NBEAL1: variants seen among roughly 807,000 people sequenced by gnomAD.
NBEAL1 encodes neurobeachin-like protein 1.
In NBEAL1, 273 loss-of-function variants were observed where a neutral mutation model predicts 351.3. That is an observed-to-expected ratio of 0.78 (90% CI 0.70 to 0.86). NBEAL1 has a LOEUF of 0.86. Among genes scored for constraint, NBEAL1 ranks in the 40% least tolerant of loss-of-function variants. NBEAL1 has a pLI of 0.00. For missense variants in NBEAL1, 2,961 were observed against 3,201.3 expected, an observed-to-expected ratio of 0.92 and a Z score of 1.81; for synonymous variants, 1,050 against 1,086.4, an observed-to-expected ratio of 0.97 and a Z score of 0.66.
intron 10 of NBEAL1, among the ~76,000 whole-genome samples, chr2:203,093,674 C>T (rs1408954132): frequency 5.3e-5 from 8 of 151,818 alleles, no homozygotes; most frequent in African/African-American, 1.7e-4. Flanking sequence ...GCCAACGTGG[C>T]GAAACCCCGT....
rs1195534992 is a variant in NBEAL1, at chr2:203,203,237, G to C, written c.7506+456G>C. The stretch of plus-strand genomic sequence containing the variant: ...GCTCACTGCAACCTCCGCCTCCCGG[G>C]TTCAAGCGATTCTCCTGCCTCAGCC... On this transcript the variant is annotated intron_variant, in intron 51 of 55. Transcript: ENST00000683969. Among the ~76,000 whole-genome samples the C allele has an allele frequency of 2.0e-5, 3 of 151,380 alleles. No homozygotes were observed. The South Asian group carries it at 6.2e-4, about 31-fold the overall frequency.
chr2:203,016,936 G>A (rs1039099649), intron 2 of NBEAL1, among the ~76,000 whole-genome samples: 1 of 152,150 alleles, frequency 6.6e-6, no homozygotes, highest in African/African-American at 2.4e-5. Flanking sequence ...ATACTGTGAG[G>A]TGAATATTGT....
chr2:203,128,045 T>G (rs1221456512), intron 24 of NBEAL1, 108 bp downstream of exon 24: 2 of 824,314 alleles, frequency 2.4e-6, no homozygotes, highest in Non-Finnish European at 3.9e-6. Context: ...GTAAAATATG[T>G]GTAGTGTCAC....
At chr2:203,071,793 A>C (rs2061687547) in intron 7 of NBEAL1, among the ~76,000 whole-genome samples, 3 of 152,248 alleles carry the variant, frequency 2.0e-5, no homozygotes, top group Non-Finnish European at 2.9e-5. Context: ...ACACATTCCC[A>C]TTCCAAAAGG....
chr2:203,138,005 A>AAG (rs757142617), intron 29 of NBEAL1, among the ~76,000 whole-genome samples, 157 bp from the exon 30 acceptor site: 3 of 151,228 alleles, frequency 2.0e-5, no homozygotes, highest in Non-Finnish European at 4.4e-5. Context: ...AAAAAAAAAA[A>AAG]TTCAATTTCC....
At chr2:203,155,632 G>A (rs1293525480) in intron 35 of NBEAL1, among the ~76,000 whole-genome samples, 3 of 151,824 alleles carry the variant, frequency 2.0e-5, no homozygotes, top group Non-Finnish European at 4.4e-5. Context: ...TTTTTTTGTA[G>A]AGACAAGGTC....
rs368071566 is a variant in NBEAL1, at chr2:203,031,806, A to G, written c.52-9959A>G. On this transcript the variant is annotated intron_variant, in intron 2 of 55. Coordinates refer to ENST00000683969, the MANE Select transcript of NBEAL1 (RefSeq NM_001378026.1). ...AATACATATGTTAGAAATAAAAAAG[A>G]CTAAAACTTAATGAACTAGTCATTT... 1.4e-4 allele frequency among the ~76,000 whole-genome samples: 21 copies of G among 152,326 alleles called. No homozygotes were observed. The East Asian group carries it at 3.7e-3, about 27-fold the overall frequency.
chr2:203,029,072 A>G lies in NBEAL1; in HGVS notation c.51+12637A>G, dbSNP rs995450550. Reference sequence around the variant, plus strand: ...GTGATCTCAGCTCACTACAACCTCCACCTCCCGAGTTCCAGTGAGTCTCGT... The same window carrying G: ...GTGATCTCAGCTCACTACAACCTCCGCCTCCCGAGTTCCAGTGAGTCTCGT... On this transcript the variant is annotated intron_variant, in intron 2 of 55. Transcript: ENST00000683969. Among the ~76,000 whole-genome samples the G allele has an allele frequency of 3.3e-5, 5 of 151,520 alleles. No individual in the cohort carries two copies. The East Asian group carries it at 7.7e-4, about 23-fold the overall frequency.
intron 38 of NBEAL1, among the ~76,000 whole-genome samples, chr2:203,168,517 AG>A (rs2064210038): frequency 6.6e-6 from 1 of 152,228 alleles, no homozygotes; most frequent in Admixed American, 6.5e-5. Context: ...TGGGAGGCAG[AG>A]ATTGCAGTGA....
chr2:203,039,891 C>A (rs2061110988), intron 2 of NBEAL1, among the ~76,000 whole-genome samples: 1 of 152,108 alleles, frequency 6.6e-6, no homozygotes, highest in Non-Finnish European at 1.5e-5. Flanking sequence ...CTTGTGAAAC[C>A]TGTATTCTGG....
In NBEAL1 at chr2:203,220,661, C is replaced by T. The variant is rs541164216; in HGVS notation, c.*3307C>T. On this transcript the variant is annotated 3_prime_UTR_variant, in exon 56 of 56. Transcript: ENST00000683969. Reference sequence around the variant, plus strand: ...TATTAAAACATGTAATAGCTGTGCACGCTTAGAGAATAAAGAACCTTTATA... The same window carrying T: ...TATTAAAACATGTAATAGCTGTGCATGCTTAGAGAATAAAGAACCTTTATA... Among the ~76,000 whole-genome samples the T allele has an allele frequency of 6.6e-5, 10 of 152,042 alleles. No individual in the cohort carries two copies. In the East Asian group the frequency reaches 1.2e-3, roughly 18 times the overall value.
chr2:203,205,630 A>T (rs1046229819), intron 51 of NBEAL1, among the ~76,000 whole-genome samples: 2 of 152,188 alleles, frequency 1.3e-5, no homozygotes, highest in Non-Finnish European at 2.9e-5. Flanking sequence ...AGTTTATGGT[A>T]TATTGTTATT....
chr2:203,098,360 A>G (rs973209348), intron 11 of NBEAL1, among the ~76,000 whole-genome samples: 21 of 152,188 alleles, frequency 1.4e-4, no homozygotes, highest in African/African-American at 4.8e-4. Flanking sequence ...ACACATTATC[A>G]TCTAATTATT....
At chr2:203,154,512 C>A (rs185063707) in intron 35 of NBEAL1, among the ~76,000 whole-genome samples, 3 of 152,036 alleles carry the variant, frequency 2.0e-5, no homozygotes. Flanking sequence ...TTTACTTACT[C>A]CAATACTGCT....
At chr2:203,018,014 T>C (rs2060707756) in intron 2 of NBEAL1, among the ~76,000 whole-genome samples, 1 of 152,256 alleles carries the variant, frequency 6.6e-6, no homozygotes, top group Non-Finnish European at 1.5e-5. Flanking sequence ...AGAATATTTA[T>C]TTAAAACCGT....
intron 55 of NBEAL1, among the ~76,000 whole-genome samples, chr2:203,216,562 G>A (rs2065898638): frequency 6.6e-6 from 1 of 151,978 alleles, no homozygotes; most frequent in Non-Finnish European, 1.5e-5. Context: ...GCAATATAGT[G>A]AGATCTCATC....
rs1303469029 is a variant in NBEAL1, at chr2:203,113,265, T to C, written c.2453T>C (p.Ile818Thr). 3.4e-6 allele frequency: 5 copies of C among 1,487,648 alleles called. No homozygotes were observed. In the Admixed American group the frequency reaches 7.2e-5, roughly 21 times the overall value. The allele number at this position is 1,487,648 out of a possible 1,614,324, so 92.2% of individuals were successfully genotyped here. A position where few individuals can be genotyped will look rare whatever the true frequency, so the allele number is the denominator to read the frequency against. The change falls in exon 17 of 56, where the codon ATC becomes ACC. Residue 818 changes from isoleucine (I) to threonine (T), a missense_variant. Transcript: ENST00000683969. ...CTGGAGGGTCAGCTAGGATCTGTTA[T>C]CATCTTTTATGAACCACTACAACCT... Reference protein sequence around the residue: ...TSLEGQLGSVIIFYEPLQPPQ... With the variant: ...TSLEGQLGSVTIFYEPLQPPQ...
chr2:203,186,480 A>G (rs2064900686), intron 44 of NBEAL1, among the ~76,000 whole-genome samples: 1 of 152,210 alleles, frequency 6.6e-6, no homozygotes, highest in South Asian at 2.1e-4. Flanking sequence ...TTTTATAGCA[A>G]TTCAGAATTC....
chr2:203,145,261 T>C (rs753622814), intron 33 of NBEAL1, 101 bp downstream of exon 33: 6 of 997,720 alleles, frequency 6.0e-6, no homozygotes, highest in African/African-American at 1.7e-5. Flanking sequence ...ACAAGCAGTA[T>C]TTCTTTTATT....
Sources: gnomAD v4.1 joint callset for allele counts (sites outside exome capture counted in the v4.1 genomes callset) on GRCh38, gnomAD v4.1.1 for gene constraint, MANE v1.5 for transcripts, NCBI Gene and HGNC (gene_info 2026-07-23, HGNC 2026-07-21) for gene names.